The following KLHL29 variants were observed in gnomAD, a reference collection of about 807,000 sequenced individuals.
KLHL29 encodes the protein kelch like family member 29, also known as kelch-like protein 29.
A neutral mutation model predicts 80.4 loss-of-function variants in KLHL29; 21 were observed. That is an observed-to-expected ratio of 0.26 (90% CI 0.19 to 0.38). The LOEUF (loss-of-function observed/expected upper bound fraction) is 0.38, where lower values mean the gene tolerates loss of function less well. Among genes scored for constraint, KLHL29 ranks in the 10% least tolerant of loss-of-function variants. KLHL29 has a pLI of 1.00. For synonymous variants in KLHL29, 511 were observed against 526.8 expected (o/e 0.97, Z 0.41); for missense variants, 867 against 1,223.9 (o/e 0.71, Z 4.35).
At chr2:23,489,070 G>C (rs1313968197) in intron 2 of KLHL29, among the ~76,000 whole-genome samples, 2 of 152,176 alleles carry the variant, frequency 1.3e-5, no homozygotes, top group Non-Finnish European at 2.9e-5. Flanking sequence ...GAAGGGAGGG[G>C]TAGTTTCCAA....
intron 1 of KLHL29, among the ~76,000 whole-genome samples, chr2:23,386,017 TC>T (rs1666171608): frequency 6.6e-6 from 1 of 151,970 alleles, no homozygotes; most frequent in African/African-American, 2.4e-5. Context: ...GGAAAAAACT[TC>T]CTGCCCCCGG....
At chr2:23,386,732 C>G (rs1666192288) in intron 1 of KLHL29, among the ~76,000 whole-genome samples, 1 of 152,070 alleles carries the variant, frequency 6.6e-6, no homozygotes, top group South Asian at 2.1e-4. Flanking sequence ...TGGGCAGCGT[C>G]GGCCCCGGGC....
chr2:23,676,779 G>A (rs982427153), intron 5 of KLHL29, among the ~76,000 whole-genome samples: 1 of 152,210 alleles, frequency 6.6e-6, no homozygotes, highest in African/African-American at 2.4e-5. Context: ...TGGGGGATGC[G>A]TGGAACATGA....
At chr2:23,413,058 CT>C (rs1363524837) in intron 1 of KLHL29, among the ~76,000 whole-genome samples, 1 of 152,156 alleles carries the variant, frequency 6.6e-6, no homozygotes, top group Non-Finnish European at 1.5e-5. Flanking sequence ...AAAAAAATGC[CT>C]GCAGTTCTCT....
intron 2 of KLHL29, among the ~76,000 whole-genome samples, chr2:23,538,045 T>C (rs968048043): frequency 5.3e-5 from 8 of 152,138 alleles, no homozygotes; most frequent in Non-Finnish European, 1.2e-4. Context: ...AGAACGAGGG[T>C]GGATCACTGA....
chr2:23,425,076 T>C (rs1363192490), intron 1 of KLHL29, among the ~76,000 whole-genome samples: 4 of 152,204 alleles, frequency 2.6e-5, no homozygotes, highest in Non-Finnish European at 4.4e-5. Flanking sequence ...TGGGAAAATG[T>C]TGAAATGTGT....
At chr2:23,495,287 C>G (rs1653749) in intron 2 of KLHL29, among the ~76,000 whole-genome samples, 105,521 of 151,980 alleles carry the variant, frequency 0.69, 38,105 homozygotes, top group African/African-American at 0.91. Context: ...GGCTGTCAGG[C>G]AGGTGGCAGG....
chr2:23,421,098 C>T (rs1662788129), intron 1 of KLHL29, among the ~76,000 whole-genome samples: 1 of 152,186 alleles, frequency 6.6e-6, no homozygotes, highest in East Asian at 1.9e-4. Flanking sequence ...CTCAGAAAGG[C>T]AGGGTGACTC....
chr2:23,392,123 T>C (rs997944467), intron 1 of KLHL29, among the ~76,000 whole-genome samples: 7 of 152,198 alleles, frequency 4.6e-5, no homozygotes, highest in African/African-American at 1.4e-4. Context: ...ATAACCTCCA[T>C]AAACCCACAT....
At chr2:23,604,043 G>A (rs574177390) in intron 3 of KLHL29, among the ~76,000 whole-genome samples, 37 of 152,356 alleles carry the variant, frequency 2.4e-4, no homozygotes, top group African/African-American at 8.2e-4. Flanking sequence ...AGTGCTCAGG[G>A]TCTGGGGCAG....
At position 23,684,542 on chromosome 2, in the gene KLHL29, GCCTT is replaced by G; in HGVS notation, c.1079+12_1079+15del. The G allele has an allele frequency of 6.5e-7, 1 of 1,542,982 alleles. No individual in the cohort carries two copies. The highest frequency in any genetic ancestry group is 1.4e-5 in the African/African-American group (1 of 72,712). On this transcript the variant is annotated splice_donor_region_variant and intron_variant, in intron 6 of 13. Coordinates refer to ENST00000486442, the MANE Select transcript of KLHL29 (RefSeq NM_052920.2). The surrounding 1 kb of genome is among the most constrained non-coding windows in gnomAD (Gnocchi z 4.4). Reference sequence around the variant, plus strand: ...TTTCAAGGACCTGATTCAAAGGTTTGCCTTCCTTCCAGCTGTGGTCGGGTCTGTT... The same window carrying G: ...TTTCAAGGACCTGATTCAAAGGTTTGCCTTCCAGCTGTGGTCGGGTCTGTT...
In KLHL29 at chr2:23,457,854, A is replaced by C. The variant is rs1664100600; in HGVS notation, c.-153-17706A>C. Among the ~76,000 whole-genome samples, 1 of 152,126 alleles carries C rather than the reference A, an allele frequency of 6.6e-6. No individual in the cohort carries two copies. Among genetic ancestry groups the C allele is most frequent in the Non-Finnish European group, 1.5e-5 (1 of 68,028 alleles). ...CAGTGAAACCCTGTCTCTACTAAAA[A>C]TACAAAAAATTAGCCAGGCGTGGTG... On this transcript the variant is annotated intron_variant, in intron 1 of 13. Transcript: ENST00000486442. The surrounding 1 kb of genome is among the most constrained non-coding windows in gnomAD (Gnocchi z 4.3).
At chr2:23,671,201 A>G (rs1204449500) in intron 5 of KLHL29, among the ~76,000 whole-genome samples, 1 of 151,536 alleles carries the variant, frequency 6.6e-6, no homozygotes, top group Non-Finnish European at 1.5e-5. Context: ...CTTTAAAACT[A>G]TTTATTTATT....
At chr2:23,448,823 C>T (rs758950741) in intron 1 of KLHL29, among the ~76,000 whole-genome samples, 2 of 152,176 alleles carry the variant, frequency 1.3e-5, no homozygotes, top group Non-Finnish European at 2.9e-5. Flanking sequence ...CAGAATCTAC[C>T]ACCGTATGGC....
intron 8 of KLHL29, among the ~76,000 whole-genome samples, chr2:23,694,252 G>C (rs145648138): frequency 5.3e-5 from 8 of 152,302 alleles, no homozygotes; most frequent in African/African-American, 1.2e-4. Flanking sequence ...AGCGATGCCT[G>C]GTCCCCAGAA....
chr2:23,387,111 C>G (rs1666203981), intron 1 of KLHL29, among the ~76,000 whole-genome samples: 1 of 152,148 alleles, frequency 6.6e-6, no homozygotes, highest in African/African-American at 2.4e-5. Context: ...TGCGCCGCGG[C>G]GCGCCCCGGG....
intron 5 of KLHL29, among the ~76,000 whole-genome samples, chr2:23,664,984 T>C (rs185662321): frequency 6.6e-6 from 1 of 152,346 alleles, no homozygotes; most frequent in Non-Finnish European, 1.5e-5. Context: ...AGAATAAAAT[T>C]GCCCTTTAAA....
Position 23,562,684 on chromosome 2 carries a change from G to C in KLHL29, c.285+203G>C, listed in dbSNP as rs1053516359. Among the ~76,000 whole-genome samples the C allele has an allele frequency of 1.1e-4, 17 of 152,222 alleles. No homozygotes were observed. The highest frequency in any genetic ancestry group is 4.1e-4 in the African/African-American group (17 of 41,456). On this transcript the variant is annotated intron_variant, in intron 3 of 13. Transcript: ENST00000486442. The surrounding 1 kb of genome is among the most constrained non-coding windows in gnomAD (Gnocchi z 4.5). ...TTTATTATCCATGAAGTCTTTCTCT[G>C]TGACTAACTTGTAGGAAGACAAGCA...
At chr2:23,428,841 A>T (rs1384707759) in intron 1 of KLHL29, among the ~76,000 whole-genome samples, 1 of 152,182 alleles carries the variant, frequency 6.6e-6, no homozygotes. Flanking sequence ...GCCTCCCGGT[A>T]CTTCTTTAGT....
Sources: allele counts gnomAD v4.1 joint callset (sites outside exome capture counted in the v4.1 genomes callset), GRCh38; gene constraint gnomAD v4.1.1; non-coding constraint Gnocchi (gnomAD v3.1); transcripts MANE v1.5; gene names NCBI Gene and HGNC (gene_info 2026-07-23, HGNC 2026-07-21).